Variants in BAZ2B observed in about 807,000 individuals in gnomAD.
The protein encoded by BAZ2B is bromodomain adjacent to zinc finger domain 2B.
In BAZ2B, 91 loss-of-function variants were observed where a neutral mutation model predicts 246.0. The observed-to-expected ratio is 0.37, with a 90% CI of 0.31 to 0.44. BAZ2B has a LOEUF of 0.44. Among genes scored for constraint, BAZ2B ranks in the 20% least tolerant of loss-of-function variants. The probability of loss-of-function intolerance (pLI) is 1.00; values close to 1 mark genes in which losing one functional copy is unlikely to be tolerated. For synonymous variants in BAZ2B, 855 were observed against 860.0 expected, an observed-to-expected ratio of 0.99 and a Z score of 0.10; for missense variants, 2,332 against 2,533.7, an observed-to-expected ratio of 0.92 and a Z score of 1.71.
the BAZ2B span, among the ~76,000 whole-genome samples, chr2:159,709,137 T>A: frequency 5.0e-5 from 6 of 120,966 alleles, no homozygotes; most frequent in African/African-American, 1.1e-4. Flanking sequence ...TTGGGCTGGA[T>A]AAAAAAAGAA....
chr2:159,630,390 G>T, the BAZ2B span, among the ~76,000 whole-genome samples: 2 of 152,170 alleles, frequency 1.3e-5, no homozygotes, highest in South Asian at 2.1e-4. Flanking sequence ...GAACTTACTT[G>T]TATGTGAAGT....
chr2:159,413,358 A>G (rs891724950), intron 13 of BAZ2B, among the ~76,000 whole-genome samples: 29 of 152,186 alleles, frequency 1.9e-4, no homozygotes, highest in African/African-American at 6.5e-4. Flanking sequence ...ATATGTATCA[A>G]ACAAGCCCAA....
chr2:159,610,675 A>G (rs1010159639), intron 1 of BAZ2B, among the ~76,000 whole-genome samples: 15 of 152,198 alleles, frequency 9.9e-5, no homozygotes, highest in African/African-American at 3.4e-4. Context: ...CCAATATGCA[A>G]TAGTTTTTAT....
chr2:159,376,186 T>C (rs2061397336), intron 25 of BAZ2B, among the ~76,000 whole-genome samples: 1 of 152,216 alleles, frequency 6.6e-6, no homozygotes, highest in Admixed American at 6.5e-5. Context: ...TAATGTTACC[T>C]ACTACATGAA....
intron 3 of BAZ2B, chr2:159,463,081 A>G: frequency 1.4e-6 from 1 of 708,442 alleles, no homozygotes; most frequent in East Asian, 2.5e-5. Flanking sequence ...GAACTGATCC[A>G]TGTTATAATG....
rs2063933983 is a variant in BAZ2B at position 159,395,814 on chromosome 2, T to C, written c.3030A>G (p.Gln1010=). The change falls in exon 20 of 37, where the codon CAA becomes CAG. Residue 1010 remains glutamine (Q), a synonymous_variant. Coordinates refer to ENST00000392783, the MANE Select transcript of BAZ2B (RefSeq NM_013450.4). ...LKHQERERRR[Q]HMMLMKAMEA... The stretch of plus-strand genomic sequence containing the variant: ...CCATAGCTTTCATAAGCATCATGTG[T>C]TGTCGCCTTCGCTCTCGTTCCTATT... 1 of 1,612,110 alleles carries C rather than the reference T, an allele frequency of 6.2e-7. No homozygotes were observed. Among genetic ancestry groups the C allele is most frequent in the Non-Finnish European group, 8.5e-7 (1 of 1,178,874 alleles).
At chr2:159,457,999 T>G (rs2075983199) in intron 3 of BAZ2B, among the ~76,000 whole-genome samples, 1 of 152,174 alleles carries the variant, frequency 6.6e-6, no homozygotes, top group African/African-American at 2.4e-5. Flanking sequence ...CTGGCATTCC[T>G]GACTGCCTCT....
chr2:159,639,760 A>C, the BAZ2B span, among the ~76,000 whole-genome samples: 9,189 of 152,210 alleles, frequency 0.06, 325 homozygotes, highest in East Asian at 0.14. Flanking sequence ...GAAGACAGGA[A>C]GGAAGGAGAG....
At chr2:159,528,727 C>T (rs545911777) in intron 2 of BAZ2B, among the ~76,000 whole-genome samples, 1 of 151,030 alleles carries the variant, frequency 6.6e-6, no homozygotes, top group East Asian at 1.9e-4. Flanking sequence ...AAACAGCAAT[C>T]GATTGTAGAA....
At chr2:159,476,562 C>T (rs2150894583) in intron 3 of BAZ2B, among the ~76,000 whole-genome samples, 1 of 152,232 alleles carries the variant, frequency 6.6e-6, no homozygotes, top group African/African-American at 2.4e-5. Flanking sequence ...ATGAGAACTG[C>T]AAGCAAATTC....
chr2:159,531,354 T>A (rs11885306), intron 2 of BAZ2B, among the ~76,000 whole-genome samples: 4,757 of 152,254 alleles, frequency 0.031, 252 homozygotes, highest in African/African-American at 0.11. Context: ...ATTGAAAAAC[T>A]TCTATGAGAT....
At chr2:159,414,506 C>T (rs1305534798) in intron 13 of BAZ2B, among the ~76,000 whole-genome samples, 1 of 152,102 alleles carries the variant, frequency 6.6e-6, no homozygotes, top group Non-Finnish European at 1.5e-5. Flanking sequence ...TTATTTTGCA[C>T]TGTATGCCTG....
rs183976539 is a variant in BAZ2B, at chr2:159,429,104, T to G, written c.2255+96A>C. Reference sequence around the variant, plus strand: ...AATAAATACTATGCAGCTATGTACTTCTTCTATTAATTGTAGAGAATGAGA... The same window carrying G: ...AATAAATACTATGCAGCTATGTACTGCTTCTATTAATTGTAGAGAATGAGA... On this transcript the variant is annotated intron_variant, in intron 11 of 36. Transcript: ENST00000392783. The G allele has an allele frequency of 9.7e-6, 8 of 823,204 alleles. No individual in the cohort carries two copies. The Admixed American group carries it at 2.1e-4, about 22-fold the overall frequency. The allele number at this position is 823,204 out of a possible 1,614,324, so 51.0% of individuals were successfully genotyped here.
intron 17 of BAZ2B, 98 bp from the exon 18 acceptor site, chr2:159,398,992 C>T (rs551207636): frequency 4.3e-5 from 48 of 1,105,422 alleles, no homozygotes; most frequent in Admixed American, 3.9e-4. Context: ...TCACAAGGTA[C>T]GAAACAGTAT....
the BAZ2B span, among the ~76,000 whole-genome samples, chr2:159,626,765 A>G: frequency 6.6e-6 from 1 of 152,194 alleles, no homozygotes; most frequent in Non-Finnish European, 1.5e-5. Flanking sequence ...GAACTAGAGA[A>G]GCAAGATCAA....
At chr2:159,692,347 G>A in the BAZ2B span, among the ~76,000 whole-genome samples, 4 of 151,844 alleles carry the variant, frequency 2.6e-5, no homozygotes, top group Non-Finnish European at 4.4e-5. Flanking sequence ...TAGTAGAGAC[G>A]GGGTTTCACC....
chr2:159,521,416 T>C (rs942000528), intron 2 of BAZ2B, among the ~76,000 whole-genome samples: 1 of 152,102 alleles, frequency 6.6e-6, no homozygotes, highest in Non-Finnish European at 1.5e-5. Context: ...TATTTTCATT[T>C]ATTGCAACAT....
intron 2 of BAZ2B, among the ~76,000 whole-genome samples, chr2:159,501,480 G>C (rs895435303): frequency 6.6e-6 from 1 of 150,806 alleles, no homozygotes; most frequent in African/African-American, 2.4e-5. Context: ...GTGATATCAT[G>C]AATAAAACTA....
chr2:159,441,992 T>C (rs2073490911), intron 6 of BAZ2B, among the ~76,000 whole-genome samples: 1 of 152,164 alleles, frequency 6.6e-6, no homozygotes, highest in Admixed American at 6.5e-5. Flanking sequence ...GTTGCTCAAG[T>C]CTCTGGGGAT....
Sources: allele counts gnomAD v4.1 joint callset (sites outside exome capture counted in the v4.1 genomes callset), GRCh38; gene constraint gnomAD v4.1.1; transcripts MANE v1.5; gene names NCBI Gene and HGNC (gene_info 2026-07-23, HGNC 2026-07-21).